Variants in PTPRD observed in about 807,000 individuals in gnomAD.
PTPRD encodes the protein receptor-type tyrosine-protein phosphatase delta.
A neutral mutation model predicts 214.5 loss-of-function variants in PTPRD; 34 were observed. The ratio of observed to expected loss-of-function variants is 0.16; its 90% confidence interval spans 0.12 to 0.21. The LOEUF (loss-of-function observed/expected upper bound fraction) is 0.21. PTPRD is among the 10% of genes least tolerant of loss of function. The pLI, the probability that PTPRD is intolerant of heterozygous loss-of-function variation, is 1.00. For missense variants in PTPRD, 2,545 were observed against 2,398.7 expected (o/e 1.06, Z -1.27); for synonymous variants, 1,128 against 845.7 (o/e 1.33, Z -5.79).
intron 8 of PTPRD, among the ~76,000 whole-genome samples, chr9:9,456,464 G>A (rs969233073): frequency 8.6e-5 from 13 of 151,674 alleles, no homozygotes; most frequent in Non-Finnish European, 1.6e-4. Context: ...TATTTTCTCC[G>A]CTTTTATTCA....
At chr9:8,406,127 C>T (rs536033257) in intron 35 of PTPRD, among the ~76,000 whole-genome samples, 1 of 152,098 alleles carries the variant, frequency 6.6e-6, no homozygotes. Context: ...ATTATCCATA[C>T]CTTAGAGTCT....
intron 8 of PTPRD, among the ~76,000 whole-genome samples, chr9:9,443,626 A>G (rs905302510): frequency 6.6e-6 from 1 of 152,212 alleles, no homozygotes; most frequent in African/African-American, 2.4e-5. Flanking sequence ...TGGAGAAGCC[A>G]TGAGAACACA....
chr9:10,452,739 A>T (rs1208085488), intron 2 of PTPRD, among the ~76,000 whole-genome samples: 2 of 151,756 alleles, frequency 1.3e-5, no homozygotes, highest in East Asian at 3.9e-4. Flanking sequence ...CTCATGTCAG[A>T]TACATGGTTT....
intron 2 of PTPRD, among the ~76,000 whole-genome samples, chr9:10,548,003 G>A (rs1041715819): frequency 1.3e-5 from 2 of 152,020 alleles, no homozygotes; most frequent in Non-Finnish European, 2.9e-5. Flanking sequence ...TTAATCTGAT[G>A]GGCTATTGAG....
rs1462673440 is a variant in PTPRD, at chr9:8,483,346, C to CT, written c.3413+772_3413+773insA. On this transcript the variant is annotated intron_variant, in intron 30 of 45. Coordinates refer to ENST00000381196, the MANE Select transcript of PTPRD (RefSeq NM_002839.4). ...CATATACCATTATCTAATTTCCCCCCCTTTTTTTCAACCTTTTAGTACTTT... is the reference window on the plus strand; with the variant it reads ...CATATACCATTATCTAATTTCCCCCCTCTTTTTTTCAACCTTTTAGTACTTT... Among the ~76,000 whole-genome samples the CT allele has an allele frequency of 1.5e-3, 232 of 152,188 alleles. 1 individual carries two copies. Among genetic ancestry groups the CT allele is most frequent in the African/African-American group, 5.2e-3 (214 of 41,530 alleles).
intron 2 of PTPRD, among the ~76,000 whole-genome samples, chr9:10,482,125 A>G (rs2099101910): frequency 6.6e-6 from 1 of 152,102 alleles, no homozygotes; most frequent in Non-Finnish European, 1.5e-5. Flanking sequence ...TAATCCCAGC[A>G]TTTTGGGAGG....
intron 7 of PTPRD, among the ~76,000 whole-genome samples, chr9:9,600,695 A>G (rs1002800451): frequency 8.6e-5 from 13 of 151,996 alleles, no homozygotes; most frequent in Admixed American, 5.9e-4. Context: ...TATTCTATGA[A>G]TCTCACAAGC....
chr9:9,880,047 G>T (rs1165291262), intron 5 of PTPRD, among the ~76,000 whole-genome samples: 3 of 152,120 alleles, frequency 2.0e-5, no homozygotes, highest in East Asian at 1.9e-4. Context: ...CATGTCGAGG[G>T]GGGGACCTAT....
At chr9:8,969,346 T>C (rs2099221840) in intron 11 of PTPRD, among the ~76,000 whole-genome samples, 1 of 152,058 alleles carries the variant, frequency 6.6e-6, no homozygotes, top group African/African-American at 2.4e-5. Flanking sequence ...ATGCACAGAC[T>C]ATGACCATCA....
intron 44 of PTPRD, among the ~76,000 whole-genome samples, chr9:8,324,265 G>C (rs527746172): frequency 3.0e-4 from 46 of 151,986 alleles, no homozygotes; most frequent in Non-Finnish European, 5.6e-4. Context: ...CCCACCCCCT[G>C]GCAGGCCCTG....
chr9:9,769,663 G>A (rs1281307952), intron 5 of PTPRD, among the ~76,000 whole-genome samples: 2 of 152,024 alleles, frequency 1.3e-5, no homozygotes, highest in African/African-American at 2.4e-5. Flanking sequence ...AGAACTTGCA[G>A]GTTTGTTACA....
intron 11 of PTPRD, among the ~76,000 whole-genome samples, chr9:8,914,728 C>T (rs995743616): frequency 2.6e-5 from 4 of 151,964 alleles, no homozygotes; most frequent in East Asian, 1.9e-4. Context: ...TTGAAGTGTA[C>T]GTGAATATTG....
intron 3 of PTPRD, among the ~76,000 whole-genome samples, chr9:10,330,564 G>A: frequency 6.6e-6 from 1 of 151,850 alleles, no homozygotes. Context: ...CATACTGCCT[G>A]TGCTATATTT....
At chr9:8,988,783 G>A (rs1352028001) in intron 11 of PTPRD, among the ~76,000 whole-genome samples, 1 of 152,002 alleles carries the variant, frequency 6.6e-6, no homozygotes, top group Non-Finnish European at 1.5e-5. Flanking sequence ...GTGTTGTGGT[G>A]TTAGTTGGAA....
At chr9:9,587,694 T>C (rs970414338) in intron 7 of PTPRD, among the ~76,000 whole-genome samples, 1 of 151,990 alleles carries the variant, frequency 6.6e-6, no homozygotes, top group African/African-American at 2.4e-5. Context: ...GTGATGTTGA[T>C]GCTGCTGTTC....
At chr9:9,830,130 A>G (rs1173553012) in intron 5 of PTPRD, among the ~76,000 whole-genome samples, 2 of 151,866 alleles carry the variant, frequency 1.3e-5, no homozygotes, top group Non-Finnish European at 1.5e-5. Flanking sequence ...ATTCATATAT[A>G]TCTTTTTACT....
Position 9,016,101 on chromosome 9 carries a change from G to C in PTPRD, c.-104+2596C>G, listed in dbSNP as rs76751337. Among the ~76,000 whole-genome samples, 538 of 152,236 alleles carry C rather than the reference G, an allele frequency of 3.5e-3. 5 individuals are homozygous for C. Among genetic ancestry groups the C allele is most frequent in the African/African-American group, 0.012 (502 of 41,540 alleles). ...TCACTAATACTTTCCCACAGAGCTT[G>C]TCCAAGGCACAACTCTGAGACTGCC... On this transcript the variant is annotated intron_variant, in intron 11 of 45. Transcript: ENST00000381196.
At chr9:8,685,857 T>C (rs1204368049) in intron 12 of PTPRD, among the ~76,000 whole-genome samples, 1 of 152,212 alleles carries the variant, frequency 6.6e-6, no homozygotes, top group African/African-American at 2.4e-5. Context: ...AAAAATAAAA[T>C]GCCAAACGAG....
chr9:10,054,359 C>T (rs1419334170), intron 3 of PTPRD, among the ~76,000 whole-genome samples: 1 of 152,018 alleles, frequency 6.6e-6, no homozygotes, highest in African/African-American at 2.4e-5. Context: ...ATAAAATTTG[C>T]AAGATTTGTT....
Sources: allele counts gnomAD v4.1 joint callset (sites outside exome capture counted in the v4.1 genomes callset), GRCh38; gene constraint gnomAD v4.1.1; transcripts MANE v1.5; gene names NCBI Gene and HGNC (gene_info 2026-07-23, HGNC 2026-07-21).